Variants in GFAP observed in about 807,000 individuals in gnomAD.
The protein encoded by GFAP is intermediate filament protein.
Under a neutral mutation model 49.3 loss-of-function variants are expected in GFAP, and 38 were observed. The observed-to-expected ratio is 0.77, with a 90% confidence interval of 0.60 to 1.01. The LOEUF is 1.01. Among genes scored for constraint, GFAP ranks in the 50% least tolerant of loss-of-function variants. The pLI is 0.00. For synonymous variants in GFAP, 222 were observed against 236.4 expected, an observed-to-expected ratio of 0.94 and a Z score of 0.56; for missense variants, 463 against 579.1, an observed-to-expected ratio of 0.80 and a Z score of 2.06.
At chr17:44,913,637 T>TCTC in intron 3 of GFAP, 91 bp downstream of exon 3, 1 of 1,088,194 alleles carries the variant, frequency 9.2e-7, no homozygotes, top group Non-Finnish European at 1.4e-6. Flanking sequence ...TCTCTGAGTG[T>TCTC]CTCTCTCAGT....
chr17:44,913,904 C>G (rs1471594095), intron 2 of GFAP, 81 bp from the exon 3 acceptor site: 1 of 1,383,756 alleles, frequency 7.2e-7, no homozygotes, highest in Non-Finnish European at 1.0e-6. Context: ...CTTGCCTTAC[C>G]CCTCCTTCTG....
rs369288384 is a variant in GFAP at position 44,913,557 on chromosome 17, G to A, written c.619-127C>T. 4.1e-5 allele frequency: 45 copies of A among 1,109,970 alleles called. No individual in the cohort carries two copies. The East Asian group carries it at 6.6e-4, about 16-fold the overall frequency. 68.8% of individuals were successfully genotyped at this position (1,109,970 alleles called of 1,614,324 possible). ...TTCGAATGCTCTCTTGTCTCTTTCC[G>A]TCTCCCTTAGTGTCTTTCTGTTTGT... is the stretch of plus-strand genomic sequence containing the variant. On this transcript the variant is annotated intron_variant, in intron 3 of 8. Coordinates refer to ENST00000588735, the MANE Select transcript of GFAP (RefSeq NM_002055.5).
intron 7 of GFAP, chr17:44,909,784 A>T: frequency 8.9e-7 from 1 of 1,123,138 alleles, no homozygotes; most frequent in Non-Finnish European, 1.1e-6. Flanking sequence ...AGCCTCAGGG[A>T]TGAAAGAATA....
chr17:44,908,104 C>T lies in GFAP; in HGVS notation c.1217G>A (p.Arg406Lys), dbSNP rs1298379136. The T allele has an allele frequency of 2.5e-6, 4 of 1,609,712 alleles. No homozygotes were observed. In the Admixed American group the frequency reaches 5.0e-5, roughly 20 times the overall value. The change falls in exon 8 of 9, where the codon AGG becomes AAG. Residue 406 changes from arginine to lysine, a missense_variant. Physicochemically the swap from Arg to Lys is conservative, Grantham distance 26. This residue lies in a region of GFAP where 362 missense variants were observed against 445.5 expected (regional missense o/e 0.81). Transcript: ENST00000588735. ...TKSVSEGHLK[R>K]NIVVKTVEMR... ...CTCCACGGTCTTCACCACGATGTTCCTCTTGAGGTGGCCTTCTGACACAGA... is the reference window on the plus strand; with the variant it reads ...CTCCACGGTCTTCACCACGATGTTCTTCTTGAGGTGGCCTTCTGACACAGA...
In GFAP at chr17:44,905,000, G is replaced by A. The variant is rs1043708015; in HGVS notation, c.*2347C>T. Reference sequence around the variant, plus strand: ...GATAGGCTACCTGCTCATCACAGCAGTCTTTGTCACCATTCACTTCTGTCG... The same window carrying A: ...GATAGGCTACCTGCTCATCACAGCAATCTTTGTCACCATTCACTTCTGTCG... On this transcript the variant is annotated 3_prime_UTR_variant, in exon 9 of 9. Coordinates refer to ENST00000588735, the MANE Select transcript of GFAP (RefSeq NM_002055.5). The A allele has an allele frequency of 1.7e-5, 27 of 1,550,760 alleles. No individual in the cohort carries two copies. The Admixed American group carries it at 5.3e-4, about 30-fold the overall frequency.
Position 44,911,366 on chromosome 17 carries a change from C to T in GFAP, c.997G>A (p.Glu333Lys). Residue 333 changes from glutamate (E) to lysine (K), a missense_variant, in exon 6 of 9, where the codon GAA (glutamate) becomes AAA (lysine). By Grantham distance (56) the Glu-to-Lys change is moderately conservative (BLOSUM62 1). This residue lies in a region of GFAP where 362 missense variants were observed against 445.5 expected (regional missense o/e 0.81). Transcript: ENST00000588735. ...SYQEALARLEEEGQSLKDEMA... is the reference protein window; with the variant it reads ...SYQEALARLEKEGQSLKDEMA... ...TCGTCCTTGAGGCTCTGCCCCTCTT[C>T]CTCCAGCCGCGCCAGCGCCTCCTGA... 6.2e-7 allele frequency: 1 copy of T among 1,614,176 alleles called. No individual in the cohort carries two copies. Among genetic ancestry groups the T allele is most frequent in the African/African-American group, 1.3e-5 (1 of 75,064 alleles).
Position 44,908,097 on chromosome 17 carries a change from G to C in GFAP, c.1224C>G (p.Ile408Met). The change falls in exon 8 of 9, where the codon ATC (isoleucine) becomes ATG (methionine). Residue 408 changes from isoleucine (I) to methionine (M), a missense_variant. Ile to Met is a conservative substitution (Grantham distance 10). This residue lies in a region of GFAP where 362 missense variants were observed against 445.5 expected (regional missense o/e 0.81). Coordinates refer to ENST00000588735, the MANE Select transcript of GFAP (RefSeq NM_002055.5). ...SVSEGHLKRN[I>M]VVKTVEMRDG... ...CCCGCATCTCCACGGTCTTCACCACGATGTTCCTCTTGAGGTGGCCTTCTG... is the reference window on the plus strand; with the variant it reads ...CCCGCATCTCCACGGTCTTCACCACCATGTTCCTCTTGAGGTGGCCTTCTG... 6.2e-7 allele frequency: 1 copy of C among 1,609,136 alleles called. No individual in the cohort carries two copies. Among genetic ancestry groups the C allele is most frequent in the Non-Finnish European group, 8.5e-7 (1 of 1,175,728 alleles).
intron 1 of GFAP, chr17:44,914,601 C>T: frequency 4.3e-6 from 1 of 234,194 alleles, no homozygotes; most frequent in Non-Finnish European, 8.4e-6. Context: ...CCTGCCTGCT[C>T]TTTCCCTCAC....
chr17:44,908,454 G>A, intron 7 of GFAP: 1 of 290,486 alleles, frequency 3.4e-6, no homozygotes, highest in Non-Finnish European at 6.5e-6. Flanking sequence ...ACCAGGAGGG[G>A]TGCGGTGGCT....
At position 44,912,655 on chromosome 17, in the gene GFAP, T is replaced by C. The variant is rs2051801736; in HGVS notation, c.780+614A>G. Reference sequence around the variant, plus strand: ...CTTCTCTTCCTGTCCACAGCGTGCCTGTCCTGCCTAGCCCAAATGCCCCCT... The same window carrying C: ...CTTCTCTTCCTGTCCACAGCGTGCCCGTCCTGCCTAGCCCAAATGCCCCCT... On this transcript the variant is annotated intron_variant, in intron 4 of 8. Transcript: ENST00000588735. 1.9e-5 allele frequency: 3 copies of C among 160,118 alleles called. No individual in the cohort carries two copies. The South Asian group carries it at 5.4e-4, about 29-fold the overall frequency. The allele number at this position is 160,118 out of a possible 1,614,324, so 9.9% of individuals were successfully genotyped here.
chr17:44,913,510 C>A, intron 3 of GFAP, 80 bp from the exon 4 acceptor site: 2 of 1,456,674 alleles, frequency 1.4e-6, no homozygotes, highest in Non-Finnish European at 1.9e-6. Flanking sequence ...GTGTCCTCTT[C>A]TGCCTGCCCC....
At position 44,908,142 on chromosome 17, in the gene GFAP, G is replaced by A; in HGVS notation, c.1179C>T (p.Ser393=). Residue 393 remains serine (S), a synonymous_variant, in exon 8 of 9, where the codon AGC becomes AGT. Coordinates refer to ENST00000588735, the MANE Select transcript of GFAP (RefSeq NM_002055.5). ...CTTCTGACACAGACTTGGTGTCCAG[G>A]CTGGTTTCTGCAGATGTGGGGAGAG... ...TFSNLQIRET[S]LDTKSVSEGH... The A allele has an allele frequency of 6.2e-7, 1 of 1,607,704 alleles. No individual in the cohort carries two copies. Among genetic ancestry groups the A allele is most frequent in the African/African-American group, 1.3e-5 (1 of 74,946 alleles).
chr17:44,911,218 G>A lies in GFAP; in HGVS notation c.1127+18C>T. ...AGGCAGCAGGGAGACTTCCCCAGGG[G>A]CTGTGATGAGGGCTCACCGGTTCTC... On this transcript the variant is annotated intron_variant, in intron 6 of 8. Coordinates refer to ENST00000588735, the MANE Select transcript of GFAP (RefSeq NM_002055.5). 1 of 1,606,092 alleles carries A rather than the reference G, an allele frequency of 6.2e-7. No individual in the cohort carries two copies. Among genetic ancestry groups the A allele is most frequent in the Non-Finnish European group, 8.5e-7 (1 of 1,173,170 alleles).
chr17:44,908,175 C>T, intron 7 of GFAP, 26 bp from the exon 8 acceptor site: 1 of 1,531,662 alleles, frequency 6.5e-7, no homozygotes, highest in Non-Finnish European at 9.0e-7. Flanking sequence ...GAGGAGGCCT[C>T]TCATGGACTT....
chr17:44,907,618 G>A (rs969319595), intron 8 of GFAP: 20 of 616,308 alleles, frequency 3.2e-5, no homozygotes, highest in Non-Finnish European at 5.6e-5. Context: ...AGTAAGATGA[G>A]CTCCCACTGT....
chr17:44,911,927 C>G, intron 4 of GFAP, 130 bp from the exon 5 acceptor site: 4 of 1,038,090 alleles, frequency 3.9e-6, no homozygotes, highest in Non-Finnish European at 5.7e-6. Flanking sequence ...TTCCCAACAA[C>G]TGTGACCCAT....
Position 44,914,056 on chromosome 17 carries a change from G to A in GFAP, c.494C>T (p.Ala165Val). 1 of 1,558,358 alleles carries A rather than the reference G, an allele frequency of 6.4e-7. No homozygotes were observed. ...LQDETNLRLE[A>V]ENNLAAYRQE... is the part of the protein sequence containing the mutation. ...TCTATAGGCAGCCAGGTTGTTCTCG[G>A]CTTCCAGCCTCAGGTTGGTTTCATC... Residue 165 changes from alanine to valine, a missense_variant, in exon 2 of 9, where the codon GCC becomes GTC. Physicochemically the swap from Ala to Val is moderately conservative, Grantham distance 64. Transcript: ENST00000588735.
At chr17:44,910,512 A>T (rs1261343823) in intron 7 of GFAP, 103 bp downstream of exon 7, 1 of 1,552,878 alleles carries the variant, frequency 6.4e-7, no homozygotes, top group Admixed American at 2.0e-5. Context: ...GGAGAGCTGG[A>T]TCCCTTTGCC....
chr17:44,903,697 T>G lies in GFAP; in HGVS notation c.*3650A>C. 7.0e-7 allele frequency: 1 copy of G among 1,438,756 alleles called. No homozygotes were observed. Among genetic ancestry groups the G allele is most frequent in the Non-Finnish European group, 9.1e-7 (1 of 1,101,746 alleles). The allele number at this position is 1,438,756 out of a possible 1,614,324, so 89.1% of individuals were successfully genotyped here. ...GCACTTGGCGGCTTCCTCTGCAGAT[T>G]GTTGCTGCTTTTCCTGGCTGCATAA... On this transcript the variant is annotated 3_prime_UTR_variant, in exon 9 of 9. Coordinates refer to ENST00000588735, the MANE Select transcript of GFAP (RefSeq NM_002055.5).
Sources: gnomAD v4.1 joint callset for allele counts on GRCh38, gnomAD v4.1.1 for gene constraint, gnomAD v4.1.1 regional missense constraint, MANE v1.5 for transcripts, NCBI Gene and HGNC (gene_info 2026-07-23, HGNC 2026-07-21) for gene names.